TMEM245: variants seen among roughly 807,000 people sequenced by gnomAD.
The protein encoded by TMEM245 is protein CG-2.
A neutral mutation model predicts 101.2 loss-of-function variants in TMEM245; 69 were observed. The ratio of observed to expected loss-of-function variants is 0.68; its 90% CI spans 0.56 to 0.83. The LOEUF (loss-of-function observed/expected upper bound fraction) is 0.83, where lower values mean the gene tolerates loss of function less well. TMEM245 is among the 40% of genes least tolerant of loss of function. TMEM245 has a pLI of 0.00. For synonymous variants in TMEM245, 537 were observed against 449.8 expected, an observed-to-expected ratio of 1.19 and a Z score of -2.45; for missense variants, 1,075 against 1,092.8, an observed-to-expected ratio of 0.98 and a Z score of 0.23.
In TMEM245 at chr9:109,057,338, G is replaced by A; in HGVS notation, c.1723-16C>T. 6.2e-7 allele frequency: 1 copy of A among 1,601,224 alleles called. No individual in the cohort carries two copies. Among genetic ancestry groups the A allele is most frequent in the Non-Finnish European group, 8.5e-7 (1 of 1,173,090 alleles). ...GTGTTACATTCTATGGAATAAAACA[G>A]TGCAGACATGAAATTCCCATCTTAA... On this transcript the variant is annotated splice_polypyrimidine_tract_variant and intron_variant, in intron 11 of 17. Coordinates refer to ENST00000374586, the MANE Select transcript of TMEM245 (RefSeq NM_032012.4).
chr9:109,031,980 A>G (rs1827957126), intron 17 of TMEM245, among the ~76,000 whole-genome samples: 1 of 152,220 alleles, frequency 6.6e-6, no homozygotes, highest in Non-Finnish European at 1.5e-5. Flanking sequence ...CCTACACAAA[A>G]TTGAAATGCC....
In TMEM245 at chr9:109,075,088, G is replaced by C. The variant is rs137988694; in HGVS notation, c.1450-1650C>G. Among the ~76,000 whole-genome samples the C allele has an allele frequency of 8.9e-3, 1,349 of 152,318 alleles. 10 individuals are homozygous for C. Among genetic ancestry groups the C allele is most frequent in the Non-Finnish European group, 0.013 (889 of 68,026 alleles). On this transcript the variant is annotated intron_variant, in intron 8 of 17. Coordinates refer to ENST00000374586, the MANE Select transcript of TMEM245 (RefSeq NM_032012.4). ...TGAAAACAGACTAAATGAGGCTAAG[G>C]AACAATTCAAGAGAGAACGGGGATA... is the stretch of plus-strand genomic sequence containing the variant.
intron 14 of TMEM245, among the ~76,000 whole-genome samples, chr9:109,048,764 G>A (rs971746018): frequency 6.6e-6 from 1 of 152,164 alleles, no homozygotes; most frequent in Non-Finnish European, 1.5e-5. Flanking sequence ...AAGAGCCAAC[G>A]ACCTGGAAAG....
chr9:109,088,626 T>C (rs1212557982), intron 5 of TMEM245, among the ~76,000 whole-genome samples: 1 of 151,816 alleles, frequency 6.6e-6, no homozygotes, highest in East Asian at 1.9e-4. Context: ...GAGACCATCC[T>C]GGCTAACAGT....
chr9:109,036,648 C>T (rs1446911044), intron 15 of TMEM245, among the ~76,000 whole-genome samples: 1 of 152,168 alleles, frequency 6.6e-6, no homozygotes, highest in African/African-American at 2.4e-5. Flanking sequence ...TTCAAGGGTT[C>T]TGTAGTTGCT....
chr9:109,049,565 G>A (rs985013873), intron 14 of TMEM245, among the ~76,000 whole-genome samples: 7 of 152,106 alleles, frequency 4.6e-5, no homozygotes, highest in Non-Finnish European at 8.8e-5. Context: ...GGTGGCTTAT[G>A]CCTGTAATCC....
chr9:109,083,130 C>G (rs1048823602), intron 7 of TMEM245, among the ~76,000 whole-genome samples: 1 of 150,592 alleles, frequency 6.6e-6, no homozygotes, highest in Non-Finnish European at 1.5e-5. Flanking sequence ...AATGGGGGCA[C>G]GGGGAGTTGA....
At chr9:109,023,038 G>C (rs1006951719) in intron 17 of TMEM245, among the ~76,000 whole-genome samples, 1 of 152,198 alleles carries the variant, frequency 6.6e-6, no homozygotes, top group African/African-American at 2.4e-5. Context: ...CTGTAACCTT[G>C]AAATTCCTAA....
chr9:109,080,927 T>G lies in TMEM245; in HGVS notation c.1361A>C (p.Glu454Ala). Residue 454 changes from glutamate (E) to alanine (A), a missense_variant, in exon 8 of 18, where the codon GAG becomes GCG. By Grantham distance (107) the Glu-to-Ala change is moderately radical (BLOSUM62 -1). Around this residue, in one of 2 missense-constraint regions of TMEM245, gnomAD observed 808 missense variants for 741.5 expected, o/e 1.09. Coordinates refer to ENST00000374586, the MANE Select transcript of TMEM245 (RefSeq NM_032012.4). The part of the protein sequence containing the change: ...WLNKKMIIWL[E>A]KMLDKIISIF... ...GCTAATTATTTTATCTAACATCTTC[T>G]CCAACCAGATGATCATCTGCACAAA... The G allele has an allele frequency of 6.2e-7, 1 of 1,602,414 alleles. No individual in the cohort carries two copies. The highest frequency in any genetic ancestry group is 8.5e-7 in the Non-Finnish European group (1 of 1,172,160).
rs567818209 is a variant in TMEM245, at chr9:109,085,540, A to G, written c.1344+457T>C. 2.0e-5 allele frequency among the ~76,000 whole-genome samples: 3 copies of G among 152,368 alleles called. No individual in the cohort carries two copies. In the East Asian group the frequency reaches 5.8e-4, roughly 29 times the overall value. ...AGTTATTTAAAAAAAGACAATATAT[A>G]AAATTATCTGCCAAGGAAACCATAC... On this transcript the variant is annotated intron_variant, in intron 7 of 17. Transcript: ENST00000374586.
Position 109,064,644 on chromosome 9 carries a change from G to C in TMEM245, c.1533-77C>G. ...ACCAATAATGCTTTGAACTTGATAT[G>C]CTTAATCCATAACAGACAGACTGTT... On this transcript the variant is annotated intron_variant, in intron 9 of 17. Transcript: ENST00000374586. 4 of 1,196,936 alleles carry C rather than the reference G, an allele frequency of 3.3e-6. No homozygotes were observed. In the South Asian group the frequency reaches 5.0e-5, roughly 15 times the overall value. The allele number at this position is 1,196,936 out of a possible 1,614,324, so 74.1% of individuals were successfully genotyped here.
At chr9:109,111,295 GTGTT>G (rs1254196640) in intron 1 of TMEM245, among the ~76,000 whole-genome samples, 2 of 152,136 alleles carry the variant, frequency 1.3e-5, no homozygotes, top group Non-Finnish European at 2.9e-5. Flanking sequence ...ATTACTAAAA[GTGTT>G]TGAGCAAACG....
intron 12 of TMEM245, among the ~76,000 whole-genome samples, chr9:109,052,936 T>C (rs1828729775): frequency 1.3e-5 from 2 of 152,114 alleles, no homozygotes; most frequent in African/African-American, 4.8e-5. Flanking sequence ...TAACCTTTCC[T>C]ATTTGAAAGA....
chr9:109,116,238 C>A (rs568134929), intron 1 of TMEM245, among the ~76,000 whole-genome samples: 1 of 152,348 alleles, frequency 6.6e-6, no homozygotes, highest in East Asian at 1.9e-4. Context: ...AGCATAAAGA[C>A]CATGTTCTAT....
Position 109,060,444 on chromosome 9 carries a change from T to G in TMEM245, c.1632A>C (p.Lys544Asn). The G allele has an allele frequency of 6.2e-7, 1 of 1,610,940 alleles. No individual in the cohort carries two copies. The highest frequency in any genetic ancestry group is 8.5e-7 in the Non-Finnish European group (1 of 1,178,438). Reference sequence around the variant, plus strand: ...TATTGTTCACCTTATCTCCTAGAATTTTATGGAGCTAGAAAAAAACACAGA... The same window carrying G: ...TATTGTTCACCTTATCTCCTAGAATGTTATGGAGCTAGAAAAAAACACAGA... ...GREWITHKLH[K>N]ILGDKVNNTA... The change falls in exon 11 of 18, where the codon AAA becomes AAC. Residue 544 changes from lysine to asparagine, a missense_variant. Physicochemically the swap from Lys to Asn is moderately conservative, Grantham distance 94. Coordinates refer to ENST00000374586, the MANE Select transcript of TMEM245 (RefSeq NM_032012.4).
At chr9:109,112,803 C>A (rs1051981947) in intron 1 of TMEM245, among the ~76,000 whole-genome samples, 1 of 151,946 alleles carries the variant, frequency 6.6e-6, no homozygotes, top group Non-Finnish European at 1.5e-5. Context: ...TTCGGCCGGG[C>A]GCGGTGGCTC....
chr9:109,029,362 A>G (rs1033269087), intron 17 of TMEM245, among the ~76,000 whole-genome samples: 1 of 152,228 alleles, frequency 6.6e-6, no homozygotes, highest in Non-Finnish European at 1.5e-5. Flanking sequence ...ATCAGGACAG[A>G]AACCGTAGAT....
rs959889019 is a variant in TMEM245, at chr9:109,018,515, T to C, written c.*1945A>G. 2.0e-5 allele frequency: 3 copies of C among 152,200 alleles called. No homozygotes were observed. The highest frequency in any genetic ancestry group is 4.4e-5 in the Non-Finnish European group (3 of 68,030). 9.4% of individuals were successfully genotyped at this position (152,200 alleles called of 1,614,324 possible). A position where few individuals can be genotyped will look rare whatever the true frequency, so the allele number is the denominator to read the frequency against. On this transcript the variant is annotated 3_prime_UTR_variant, in exon 18 of 18. Transcript: ENST00000374586. Reference sequence around the variant, plus strand: ...ATTATAATCGCTAAAATATTCATAATAGAAATAAAGAGATCTGTATGCAGT... The same window carrying C: ...ATTATAATCGCTAAAATATTCATAACAGAAATAAAGAGATCTGTATGCAGT...
chr9:109,060,155 C>T (rs1057458191), intron 11 of TMEM245, among the ~76,000 whole-genome samples, 199 bp downstream of exon 11: 1 of 152,210 alleles, frequency 6.6e-6, no homozygotes, highest in African/African-American at 2.4e-5. Flanking sequence ...AATACTGACG[C>T]ACCAGAGAGA....
Sources: allele counts gnomAD v4.1 joint callset (sites outside exome capture counted in the v4.1 genomes callset), GRCh38; gene constraint gnomAD v4.1.1; regional missense constraint gnomAD v4.1.1; transcripts MANE v1.5; gene names NCBI Gene and HGNC (gene_info 2026-07-23, HGNC 2026-07-21).